The following DHRSX variants were observed in gnomAD, a reference collection of about 807,000 sequenced individuals.
DHRSX encodes polyprenol dehydrogenase.
A neutral mutation model predicts 34.0 loss-of-function variants in DHRSX; 31 were observed. The observed-to-expected ratio is 0.91, with a 90% CI of 0.69 to 1.23. The LOEUF is 1.23. Ranked by LOEUF, DHRSX falls within the 50% of genes most tolerant of loss-of-function variation. DHRSX has a pLI of 0.00. For missense variants in DHRSX, 414 were observed against 428.1 expected (o/e 0.97, Z 0.29); for synonymous variants, 201 against 183.8 (o/e 1.09, Z -0.76).
chrX:2,399,439 G>A (rs1395494789), intron 3 of DHRSX, among the ~76,000 whole-genome samples: 1 of 149,858 alleles, frequency 6.7e-6, no homozygotes, highest in Non-Finnish European at 1.5e-5. Flanking sequence ...AGGCGTGATA[G>A]CTCACGCCTG....
At chrX:2,275,272 CG>C (rs1433933184) in intron 4 of DHRSX, among the ~76,000 whole-genome samples, 1 of 149,118 alleles carries the variant, frequency 6.7e-6, no homozygotes, top group African/African-American at 2.5e-5. Context: ...CCGAGGCAGG[CG>C]GATGACCTGA....
intron 1 of DHRSX, among the ~76,000 whole-genome samples, chrX:2,463,864 G>A (rs1046985030): frequency 5.6e-4 from 85 of 152,288 alleles, no homozygotes; most frequent in African/African-American, 1.8e-3. Flanking sequence ...GAAGAATGTG[G>A]CCAAGGGATC....
intron 3 of DHRSX, among the ~76,000 whole-genome samples, chrX:2,370,559 C>T (rs2043045021): frequency 6.8e-6 from 1 of 146,218 alleles, no homozygotes; most frequent in Non-Finnish European, 1.5e-5. Context: ...GAATTCCCCA[C>T]TGCCTTTGTC....
Position 2,220,685 on chromosome X carries a change from C to A in DHRSX, c.*356G>T. ...CCACTAGGTCTCAGAGAGGACATTG[C>A]AGCCCCTGAAAAGAGAGCATCTCTC... On this transcript the variant is annotated 3_prime_UTR_variant, in exon 7 of 7. Transcript: ENST00000334651. 4.2e-6 allele frequency: 1 copy of A among 239,088 alleles called. No homozygotes were observed. Among genetic ancestry groups the A allele is most frequent in the South Asian group, 1.2e-4 (1 of 8,318 alleles). 14.8% of individuals were successfully genotyped at this position (239,088 alleles called of 1,614,324 possible). A position where few individuals can be genotyped will look rare whatever the true frequency, so the allele number is the denominator to read the frequency against.
At chrX:2,317,013 A>C (rs2042248489) in intron 3 of DHRSX, among the ~76,000 whole-genome samples, 2 of 152,130 alleles carry the variant, frequency 1.3e-5, no homozygotes, top group Non-Finnish European at 2.9e-5. Context: ...GCTGGAGTGC[A>C]ATGGCGCCAT....
intron 5 of DHRSX, among the ~76,000 whole-genome samples, chrX:2,246,638 A>C (rs190009138): frequency 2.9e-4 from 44 of 150,642 alleles, no homozygotes; most frequent in South Asian, 1.0e-3. Flanking sequence ...GAAAGAAAGA[A>C]AGACAGAAAG....
chrX:2,317,644 A>C (rs2042257036), intron 3 of DHRSX, among the ~76,000 whole-genome samples: 1 of 151,588 alleles, frequency 6.6e-6, no homozygotes, highest in Admixed American at 6.6e-5. Context: ...AAAAAGAAGG[A>C]GAGTAGATAA....
chrX:2,283,144 G>A (rs2041751771), intron 4 of DHRSX, among the ~76,000 whole-genome samples: 1 of 151,916 alleles, frequency 6.6e-6, no homozygotes, highest in Non-Finnish European at 1.5e-5. Flanking sequence ...TCTCGGGAGG[G>A]CGGTGGGAAG....
chrX:2,349,775 C>T (rs1195845728), intron 3 of DHRSX, among the ~76,000 whole-genome samples: 1 of 152,064 alleles, frequency 6.6e-6, no homozygotes, highest in Non-Finnish European at 1.5e-5. Flanking sequence ...AGCAAGGTGG[C>T]TCACGCCTGT....
chrX:2,412,974 A>C (rs373259749), intron 2 of DHRSX, among the ~76,000 whole-genome samples: 2 of 152,310 alleles, frequency 1.3e-5, no homozygotes, highest in East Asian at 3.9e-4. Flanking sequence ...AGGCAGGTGG[A>C]TCACAAGGTC....
chrX:2,325,934 C>G (rs1411036421), intron 3 of DHRSX, among the ~76,000 whole-genome samples: 1 of 152,198 alleles, frequency 6.6e-6, no homozygotes, highest in Non-Finnish European at 1.5e-5. Flanking sequence ...CAATGACGAA[C>G]CCCAGGGTAT....
At position 2,291,934 on chromosome X, in the gene DHRSX, T is replaced by G. The variant is rs755998874; in HGVS notation, c.287-331A>C. On this transcript the variant is annotated intron_variant, in intron 3 of 6. Transcript: ENST00000334651. ...TTTTTTTTTTTAGTAGAGACAATGT[T>G]TCACCATGTTGGCCAGGCTGGTCTC... 1.6e-3 allele frequency among the ~76,000 whole-genome samples: 234 copies of G among 149,880 alleles called. 1 individual carries two copies. The highest frequency in any genetic ancestry group is 5.5e-3 in the African/African-American group (223 of 40,762).
At chrX:2,452,298 C>A (rs1445954308) in intron 1 of DHRSX, among the ~76,000 whole-genome samples, 2 of 151,586 alleles carry the variant, frequency 1.3e-5, no homozygotes, top group African/African-American at 4.9e-5. Context: ...CATGTACACA[C>A]TGAAGACGTT....
intron 4 of DHRSX, among the ~76,000 whole-genome samples, chrX:2,284,758 C>A (rs2041784602): frequency 6.6e-6 from 1 of 152,116 alleles, no homozygotes; most frequent in Non-Finnish European, 1.5e-5. Flanking sequence ...TTGATTTATT[C>A]TTGTGCTTGA....
intron 1 of DHRSX, among the ~76,000 whole-genome samples, chrX:2,453,639 C>G (rs1473375660): frequency 1.2e-4 from 18 of 151,926 alleles, no homozygotes; most frequent in African/African-American, 4.4e-4. Context: ...ATGCTGTACT[C>G]CAGCCTGGCT....
chrX:2,422,524 G>A (rs1463025332), intron 2 of DHRSX, among the ~76,000 whole-genome samples: 1 of 152,168 alleles, frequency 6.6e-6, no homozygotes, highest in African/African-American at 2.4e-5. Context: ...GCTTCCTAAA[G>A]TGCTGGGATT....
intron 2 of DHRSX, among the ~76,000 whole-genome samples, chrX:2,411,954 C>A (rs1360141792): frequency 6.6e-6 from 1 of 152,148 alleles, no homozygotes; most frequent in East Asian, 1.9e-4. Context: ...ACAGAAGCAC[C>A]ACACTGGAGG....
At chrX:2,246,491 C>T (rs1165509093) in intron 5 of DHRSX, among the ~76,000 whole-genome samples, 4 of 151,628 alleles carry the variant, frequency 2.6e-5, no homozygotes, top group African/African-American at 9.7e-5. Flanking sequence ...GACGTGCTGG[C>T]GGGTGCCTGT....
chrX:2,303,463 T>G (rs1427305252), intron 3 of DHRSX, among the ~76,000 whole-genome samples: 3 of 152,126 alleles, frequency 2.0e-5, no homozygotes, highest in Non-Finnish European at 4.4e-5. Context: ...CCACTCTTGC[T>G]CCTGCTCTAG....
Sources: gnomAD v4.1 joint callset for allele counts (sites outside exome capture counted in the v4.1 genomes callset) on GRCh38, gnomAD v4.1.1 for gene constraint, MANE v1.5 for transcripts, NCBI Gene and HGNC (gene_info 2026-07-23, HGNC 2026-07-21) for gene names.